Variants in KIF1A observed in about 807,000 individuals in gnomAD.
The protein encoded by KIF1A is kinesin-like protein KIF1A.
KIF1A carries 46 observed loss-of-function variants against 227.3 expected under a neutral mutation model. The observed-to-expected ratio is 0.20, with a 90% CI of 0.16 to 0.26. The LOEUF is 0.26. KIF1A is among the 10% of genes least tolerant of loss of function. The probability of loss-of-function intolerance (pLI) is 1.00; values close to 1 mark genes in which losing one functional copy is unlikely to be tolerated. For missense variants in KIF1A, 1,683 were observed against 2,485.9 expected, an observed-to-expected ratio of 0.68 and a Z score of 6.87; for synonymous variants, 1,022 against 1,012.8, an observed-to-expected ratio of 1.01 and a Z score of -0.17.
chr2:240,719,900 G>A lies in KIF1A; in HGVS notation c.4895C>T (p.Ala1632Val). The A allele has an allele frequency of 6.2e-7, 1 of 1,611,062 alleles. No homozygotes were observed. The highest frequency in any genetic ancestry group is 8.5e-7 in the Non-Finnish European group (1 of 1,179,314). ...LRTPQPCSRPASPEPELLPEA... is the reference protein window; with the variant it reads ...LRTPQPCSRPVSPEPELLPEA... Reference sequence around the variant, plus strand: ...TGGCAGCAGCTCGGGCTCTGGGCTGGCTGGCCGGGAGCAGGGCTGCGGGGT... The same window carrying A: ...TGGCAGCAGCTCGGGCTCTGGGCTGACTGGCCGGGAGCAGGGCTGCGGGGT... The change falls in exon 46 of 49, where the codon GCC (alanine) becomes GTC (valine). Residue 1632 changes from alanine to valine, a missense_variant. Coordinates refer to ENST00000498729, the MANE Select transcript of KIF1A (RefSeq NM_001244008.2).
chr2:240,737,004 A>G (rs1438363761), intron 38 of KIF1A, 59 bp downstream of exon 38: 3 of 1,396,332 alleles, frequency 2.1e-6, no homozygotes, highest in African/African-American at 2.8e-5. Context: ...GGGTTGGCTG[A>G]GGGCCTGGCA....
chr2:240,734,790 G>T (rs1281431618), intron 38 of KIF1A: 1 of 1,301,118 alleles, frequency 7.7e-7, no homozygotes, highest in East Asian at 5.6e-5. Flanking sequence ...GCCGGGCAGC[G>T]CAGCGGGAGC....
At chr2:240,798,950 G>A (rs2056701056) in intron 1 of KIF1A, among the ~76,000 whole-genome samples, 1 of 151,868 alleles carries the variant, frequency 6.6e-6, no homozygotes, top group African/African-American at 2.4e-5. Context: ...AAGGCTGGGA[G>A]GCCTCCTTGA....
Position 240,745,521 on chromosome 2 carries a change from C to T in KIF1A, c.3375-4G>A. ...CTCGTCGTGGCGGTGGATGAAGCTG[C>T]AAAGCAGAGGAGATGCTTTGGTGTG... On this transcript the variant is annotated splice_polypyrimidine_tract_variant and splice_region_variant and intron_variant, in intron 31 of 48. Coordinates refer to ENST00000498729, the MANE Select transcript of KIF1A (RefSeq NM_001244008.2). 2 of 1,608,102 alleles carry T rather than the reference C, an allele frequency of 1.2e-6. No individual in the cohort carries two copies. The highest frequency in any genetic ancestry group is 1.7e-6 in the Non-Finnish European group (2 of 1,176,204).
Sources: gnomAD v4.1 joint callset for allele counts (sites outside exome capture counted in the v4.1 genomes callset) on GRCh38, gnomAD v4.1.1 for gene constraint, MANE v1.5 for transcripts, NCBI Gene and HGNC (gene_info 2026-07-23, HGNC 2026-07-21) for gene names.